The following POU3F3 variants were observed in gnomAD, a reference collection of about 807,000 sequenced individuals.
POU3F3 encodes the protein POU class 3 homeobox 3, also known as POU domain, class 3, transcription factor 3.
POU3F3 carries 1 observed loss-of-function variant against 8.6 expected under a neutral mutation model. That is an observed-to-expected ratio of 0.12 (90% CI 0.04 to 0.55). The LOEUF is 0.55. POU3F3 is among the 20% of genes least tolerant of loss of function. The pLI, the probability that POU3F3 is intolerant of heterozygous loss-of-function variation, is 0.91. For synonymous variants in POU3F3, 418 were observed against 327.4 expected, an observed-to-expected ratio of 1.28 and a Z score of -2.99; for missense variants, 577 against 690.7, an observed-to-expected ratio of 0.84 and a Z score of 1.84.
chr2:104,879,304 G>C, the POU3F3 span, among the ~76,000 whole-genome samples: 4 of 152,112 alleles, frequency 2.6e-5, no homozygotes, highest in African/African-American at 9.7e-5. Flanking sequence ...TTCTCGGGGT[G>C]TCCGGGAGAC....
Position 104,857,124 on chromosome 2 carries a change from G to A in POU3F3, c.*111G>A, listed in dbSNP as rs560044906. The A allele has an allele frequency of 1.7e-4, 169 of 967,834 alleles. 1 individual carries two copies. In the East Asian group the frequency reaches 0.017, roughly 98 times the overall value. The allele number at this position is 967,834 out of a possible 1,614,324, so 60.0% of individuals were successfully genotyped here. Reference sequence around the variant, plus strand: ...CGCCGCCGCCGCCGCCGCTGCCGCCGCCGCGCCGACCCTGCACCTGGGCCG... The same window carrying A: ...CGCCGCCGCCGCCGCCGCTGCCGCCACCGCGCCGACCCTGCACCTGGGCCG... On this transcript the variant is annotated 3_prime_UTR_variant, in exon 1 of 1. Coordinates refer to ENST00000361360, the MANE Select transcript of POU3F3 (RefSeq NM_006236.3).
At chr2:104,873,846 G>A in the POU3F3 span, among the ~76,000 whole-genome samples, 1 of 152,172 alleles carries the variant, frequency 6.6e-6, no homozygotes, top group African/African-American at 2.4e-5. Context: ...GCCCGCTCGG[G>A]GACCCTCCCC....
the POU3F3 span, among the ~76,000 whole-genome samples, chr2:104,902,227 G>A: frequency 6.6e-6 from 1 of 152,054 alleles, no homozygotes; most frequent in Admixed American, 6.5e-5. Context: ...CTCAGAAGGG[G>A]GATTTTAAGC....
At chr2:104,903,472 A>G in the POU3F3 span, among the ~76,000 whole-genome samples, 322 of 152,328 alleles carry the variant, frequency 2.1e-3, no homozygotes, top group African/African-American at 7.3e-3. Flanking sequence ...ACATCAATAC[A>G]TGTAAACATG....
chr2:104,912,823 T>A, the POU3F3 span, among the ~76,000 whole-genome samples: 529 of 152,302 alleles, frequency 3.5e-3, 3 homozygotes, highest in African/African-American at 0.012. Flanking sequence ...GATGTCAGCA[T>A]CCCTTCTGAC....
the POU3F3 span, among the ~76,000 whole-genome samples, chr2:104,916,679 T>TGA: frequency 6.6e-6 from 1 of 152,160 alleles, no homozygotes; most frequent in Non-Finnish European, 1.5e-5. Flanking sequence ...CCTCCCATAT[T>TGA]CTAGCACAGC....
the POU3F3 span, among the ~76,000 whole-genome samples, chr2:104,880,430 G>A: frequency 1.2e-4 from 19 of 152,264 alleles, no homozygotes; most frequent in Non-Finnish European, 2.4e-4. Context: ...CGTGAGACCT[G>A]TTCTTCTAGG....
At chr2:104,853,289 G>C (rs935340367), upstream of POU3F3, 1 of 152,746 alleles carries the variant, frequency 6.5e-6, no homozygotes, top group Non-Finnish European at 1.5e-5. Context: ...GAGCCAGGGA[G>C]CGGCGGCAGC....
the POU3F3 span, among the ~76,000 whole-genome samples, chr2:104,904,936 C>T: frequency 1.3e-5 from 2 of 152,122 alleles, no homozygotes. Context: ...CCAGACTTCC[C>T]AGTGAGCTCA....
downstream of POU3F3, among the ~76,000 whole-genome samples, chr2:104,861,404 AAGAC>A (rs1181411995): frequency 1.3e-5 from 2 of 152,200 alleles, no homozygotes; most frequent in Admixed American, 6.5e-5. Context: ...TTAAGGCAGA[AAGAC>A]AGAAATTAAA....
chr2:104,860,087 G>C (rs570593480), downstream of POU3F3, among the ~76,000 whole-genome samples: 2 of 152,240 alleles, frequency 1.3e-5, no homozygotes, highest in Non-Finnish European at 2.9e-5. Context: ...AATTTCAGGA[G>C]GTATCTACTT....
chr2:104,908,471 GAAGA>G, the POU3F3 span, among the ~76,000 whole-genome samples: 8 of 152,216 alleles, frequency 5.3e-5, no homozygotes, highest in Admixed American at 4.6e-4. Context: ...AAGAATTGTA[GAAGA>G]AAGACGAGTG....
downstream of POU3F3, among the ~76,000 whole-genome samples, chr2:104,862,524 C>G (rs1274470545): frequency 2.1e-5 from 3 of 146,172 alleles, no homozygotes; most frequent in African/African-American, 7.5e-5. Context: ...GCCGGGCGTC[C>G]AAAGCTCGCT....
At chr2:104,873,184 G>C in the POU3F3 span, among the ~76,000 whole-genome samples, 3 of 152,174 alleles carry the variant, frequency 2.0e-5, no homozygotes, top group African/African-American at 7.2e-5. Context: ...GGCTGTGAGC[G>C]CTGGGCCGGT....
the POU3F3 span, among the ~76,000 whole-genome samples, chr2:104,891,574 T>A: frequency 6.6e-6 from 1 of 152,158 alleles, no homozygotes; most frequent in Non-Finnish European, 1.5e-5. Context: ...TAGAAGGGTT[T>A]GAAGGCAACT....
rs200554113 is a variant in POU3F3, at chr2:104,857,023, G to A, written c.*10G>A. The A allele has an allele frequency of 2.5e-3, 3,872 of 1,563,990 alleles. 67 individuals are homozygous for A. In the African/African-American group the frequency reaches 0.045, roughly 18 times the overall value. On this transcript the variant is annotated 3_prime_UTR_variant, in exon 1 of 1. Coordinates refer to ENST00000361360, the MANE Select transcript of POU3F3 (RefSeq NM_006236.3). Reference sequence around the variant, plus strand: ...GACGAGCGTTCAGTGAAGCCAGGGCGCAGAGCGAAGAGGGCCGCCGCCGCC... The same window carrying A: ...GACGAGCGTTCAGTGAAGCCAGGGCACAGAGCGAAGAGGGCCGCCGCCGCC...
At chr2:104,884,236 G>A in the POU3F3 span, among the ~76,000 whole-genome samples, 1 of 152,126 alleles carries the variant, frequency 6.6e-6, no homozygotes, top group East Asian at 1.9e-4. Context: ...GTCTGGGGGT[G>A]GTATCAAAAG....
At chr2:104,921,270 G>A in the POU3F3 span, among the ~76,000 whole-genome samples, 5 of 152,144 alleles carry the variant, frequency 3.3e-5, no homozygotes, top group African/African-American at 1.2e-4. Flanking sequence ...TGAAGGGGGT[G>A]CTGTCAAAAA....
the POU3F3 span, among the ~76,000 whole-genome samples, chr2:104,895,226 A>G: frequency 3.9e-5 from 6 of 152,190 alleles, no homozygotes; most frequent in Non-Finnish European, 5.9e-5. Context: ...TTCAAAGCCA[A>G]TCAAACTTGA....
Sources: gnomAD v4.1 joint callset for allele counts (sites outside exome capture counted in the v4.1 genomes callset) on GRCh38, gnomAD v4.1.1 for gene constraint, MANE v1.5 for transcripts, NCBI Gene and HGNC (gene_info 2026-07-23, HGNC 2026-07-21) for gene names.